Variants in UGDH observed in about 807,000 individuals in gnomAD.
UGDH encodes the protein UDP-glucose 6-dehydrogenase, also known as UDP-Glc dehydrogenase.
UGDH carries 38 observed loss-of-function variants against 50.6 expected under a neutral mutation model. That is an observed-to-expected ratio of 0.75 (90% CI 0.58 to 0.98). UGDH has a LOEUF of 0.98. Among genes scored for constraint, UGDH ranks in the 50% least tolerant of loss-of-function variants. UGDH has a pLI of 0.00. For missense variants in UGDH, 465 were observed against 606.2 expected (o/e 0.77, Z 2.45); for synonymous variants, 168 against 199.9 (o/e 0.84, Z 1.35).
chr4:39,519,807 T>C (rs1354774691), intron 2 of UGDH, among the ~76,000 whole-genome samples: 1 of 152,040 alleles, frequency 6.6e-6, no homozygotes, highest in Non-Finnish European at 1.5e-5. Context: ...TCCAAAGTGC[T>C]AGGATTACAG....
At chr4:39,503,726 A>C in intron 11 of UGDH, 149 bp downstream of exon 11, 1 of 565,698 alleles carries the variant, frequency 1.8e-6, no homozygotes, top group Non-Finnish European at 3.0e-6. Context: ...CTTCCCTAGA[A>C]AGAAGGTATC....
intron 10 of UGDH, 56 bp downstream of exon 10, chr4:39,504,361 C>T (rs1560686039): frequency 3.3e-6 from 5 of 1,513,074 alleles, no homozygotes; most frequent in Admixed American, 1.7e-5. Context: ...TACTCAACCC[C>T]AGCTGATAGT....
At chr4:39,510,039 G>A (rs1217997818) in intron 5 of UGDH, 132 bp from the exon 6 acceptor site, 2 of 1,066,130 alleles carry the variant, frequency 1.9e-6, no homozygotes, top group Non-Finnish European at 2.6e-6. Flanking sequence ...TCAATTTGAG[G>A]AGACAATGGA....
At chr4:39,513,989 G>A in intron 3 of UGDH, 94 bp downstream of exon 3, 1 of 1,066,618 alleles carries the variant, frequency 9.4e-7, no homozygotes, top group Non-Finnish European at 1.4e-6. Context: ...GCAATGTTGA[G>A]GCTTAATACC....
Position 39,510,707 on chromosome 4 carries a change from A to G in UGDH, c.419T>C (p.Ile140Thr). The G allele has an allele frequency of 6.2e-7, 1 of 1,614,270 alleles. No homozygotes were observed. The highest frequency in any genetic ancestry group is 1.7e-5 in the Admixed American group (1 of 60,034). The part of the protein sequence containing the change: ...STVPVRAAES[I>T]RRIFDANTKP... ...TGTGTTTGCATCAAATATGCGACGGATACTTTCTGCTGCCCGCACTGGAAC... is the reference window on the plus strand; with the variant it reads ...TGTGTTTGCATCAAATATGCGACGGGTACTTTCTGCTGCCCGCACTGGAAC... The change falls in exon 4 of 12, where the codon ATC becomes ACC. Residue 140 changes from isoleucine (I) to threonine (T), a missense_variant. By Grantham distance (89) the Ile-to-Thr change is moderately conservative (BLOSUM62 -1). Transcript: ENST00000316423.
At chr4:39,500,827 G>T (rs1745775659) in intron 11 of UGDH, among the ~76,000 whole-genome samples, 1 of 151,802 alleles carries the variant, frequency 6.6e-6, no homozygotes, top group African/African-American at 2.4e-5. Context: ...GCTAATTTTT[G>T]TATTTTTAGT....
chr4:39,505,321 G>A lies in UGDH; in HGVS notation c.1087C>T (p.His363Tyr). The A allele has an allele frequency of 1.9e-6, 3 of 1,590,510 alleles. No homozygotes were observed. Among genetic ancestry groups the A allele is most frequent in the Non-Finnish European group, 2.6e-6 (3 of 1,169,320 alleles). The change falls in exon 9 of 12, where the codon CAT (histidine) becomes TAT (tyrosine). Residue 363 changes from histidine to tyrosine, a missense_variant. By Grantham distance (83) the His-to-Tyr change is moderately conservative (BLOSUM62 2). Coordinates refer to ENST00000316423, the MANE Select transcript of UGDH (RefSeq NM_003359.4). ...ISKYLMDEGAHLHIYDPKVPR... is the reference protein window; with the variant it reads ...ISKYLMDEGAYLHIYDPKVPR... ...ACTTTTGGATCATATATATGTAGATGTGCACCTTCATCCATCAAATATTTG... is the reference window on the plus strand; with the variant it reads ...ACTTTTGGATCATATATATGTAGATATGCACCTTCATCCATCAAATATTTG...
Position 39,505,301 on chromosome 4 carries a change from T to G in UGDH, c.1107A>C (p.Pro369=). 1 of 1,604,788 alleles carries G rather than the reference T, an allele frequency of 6.2e-7. No homozygotes were observed. The highest frequency in any genetic ancestry group is 1.3e-5 in the African/African-American group (1 of 74,638). The change falls in exon 9 of 12, where the codon CCA becomes CCC. Residue 369 remains proline, a synonymous_variant. Transcript: ENST00000316423. ...DEGAHLHIYD[P]KVPREQIVVD... is the part of the protein sequence containing the mutation. ...CAACTATTTGTTCCCTAGGTACTTTTGGATCATATATATGTAGATGTGCAC... is the reference window on the plus strand; with the variant it reads ...CAACTATTTGTTCCCTAGGTACTTTGGGATCATATATATGTAGATGTGCAC...
chr4:39,501,097 C>T (rs1008873094), intron 11 of UGDH, among the ~76,000 whole-genome samples: 4 of 151,568 alleles, frequency 2.6e-5, no homozygotes, highest in African/African-American at 9.7e-5. Context: ...TCCCAAGTAG[C>T]TAGGATTACA....
At chr4:39,516,467 C>T (rs28374597) in intron 2 of UGDH, among the ~76,000 whole-genome samples, 55,354 of 152,012 alleles carry the variant, frequency 0.36, 12,145 homozygotes, top group East Asian at 0.69. Flanking sequence ...AAATCTTCCA[C>T]AACAAAAAGC....
At chr4:39,525,265 C>T (rs995433399) in intron 1 of UGDH, among the ~76,000 whole-genome samples, 1 of 152,218 alleles carries the variant, frequency 6.6e-6, no homozygotes, top group Admixed American at 6.5e-5. Context: ...ACCATGTCGG[C>T]TCACTGCAAC....
chr4:39,508,392 C>A (rs994072669), intron 7 of UGDH, among the ~76,000 whole-genome samples, 174 bp downstream of exon 7: 7 of 152,114 alleles, frequency 4.6e-5, no homozygotes, highest in African/African-American at 1.7e-4. Flanking sequence ...CAACACCATG[C>A]CTGGCTAATT....
intron 2 of UGDH, among the ~76,000 whole-genome samples, chr4:39,515,704 A>G (rs1342510251): frequency 1.3e-5 from 2 of 152,110 alleles, no homozygotes; most frequent in Admixed American, 1.3e-4. Flanking sequence ...TCTAGACTGA[A>G]AAATTTCTTT....
At chr4:39,507,893 C>T (rs1450618326) in intron 7 of UGDH, among the ~76,000 whole-genome samples, 6 of 144,598 alleles carry the variant, frequency 4.1e-5, no homozygotes, top group African/African-American at 5.2e-5. Flanking sequence ...CAGTGAGCAG[C>T]GATGGCACCA....
intron 2 of UGDH, among the ~76,000 whole-genome samples, chr4:39,516,248 C>A (rs900888805): frequency 2.0e-5 from 3 of 152,144 alleles, no homozygotes; most frequent in African/African-American, 7.2e-5. Context: ...CGGGCCACTG[C>A]ACTCCAGCCT....
intron 3 of UGDH, 120 bp from the exon 4 acceptor site, chr4:39,510,981 CT>C: frequency 3.6e-6 from 3 of 841,326 alleles, no homozygotes; most frequent in Non-Finnish European, 5.7e-6. Flanking sequence ...ATTTAATCCT[CT>C]GTTAGTTCCA....
At chr4:39,500,446 G>A (rs953403487) in intron 11 of UGDH, among the ~76,000 whole-genome samples, 193 bp from the exon 12 acceptor site, 2 of 151,896 alleles carry the variant, frequency 1.3e-5, no homozygotes, top group African/African-American at 2.4e-5. Flanking sequence ...GTACTCCATC[G>A]TAATATTCAT....
chr4:39,507,247 C>T (rs1746064646), intron 7 of UGDH, among the ~76,000 whole-genome samples: 1 of 152,174 alleles, frequency 6.6e-6, no homozygotes, highest in African/African-American at 2.4e-5. Flanking sequence ...ACAGGGTAAG[C>T]ATTCAATAAA....
chr4:39,511,516 G>A (rs531493096), intron 3 of UGDH, among the ~76,000 whole-genome samples: 1 of 152,124 alleles, frequency 6.6e-6, no homozygotes, highest in South Asian at 2.1e-4. Flanking sequence ...GTCCACCTCA[G>A]CATCCCAAAG....
Sources: allele counts gnomAD v4.1 joint callset (sites outside exome capture counted in the v4.1 genomes callset), GRCh38; gene constraint gnomAD v4.1.1; transcripts MANE v1.5; gene names NCBI Gene and HGNC (gene_info 2026-07-23, HGNC 2026-07-21).